The following PLEKHA5 variants were observed in gnomAD, a reference collection of about 807,000 sequenced individuals.
PLEKHA5 encodes pleckstrin homology domain containing A5, also known as pleckstrin homology domain-containing family A member 5.
Under a neutral mutation model 181.9 loss-of-function variants are expected in PLEKHA5, and 55 were observed. The ratio of observed to expected loss-of-function variants is 0.30; its 90% CI spans 0.24 to 0.38. The LOEUF is 0.38. Ranked by LOEUF, PLEKHA5 falls within the 10% of genes least tolerant of loss-of-function variation. The pLI is 1.00. For missense variants in PLEKHA5, 1,432 were observed against 1,549.5 expected (o/e 0.92, Z 1.27); for synonymous variants, 535 against 529.4 (o/e 1.01, Z -0.15).
chr12:19,177,392 A>G (rs575530724), intron 3 of PLEKHA5, among the ~76,000 whole-genome samples: 2 of 152,312 alleles, frequency 1.3e-5, no homozygotes, highest in African/African-American at 4.8e-5. Flanking sequence ...GATTTCATGT[A>G]TTATCTGTAA....
rs2072186896 is a variant in PLEKHA5, at chr12:19,270,175, T to G, written c.828-13T>G. ...ATCCTAACATTCAAACTGAATGTTC[T>G]TTCTTCTTACAGAATTACCTTTAAT... On this transcript the variant is annotated splice_polypyrimidine_tract_variant and intron_variant, in intron 9 of 31. Coordinates refer to ENST00000429027, the MANE Select transcript of PLEKHA5 (RefSeq NM_001256470.2). The G allele has an allele frequency of 2.8e-6, 4 of 1,440,166 alleles. No homozygotes were observed. Among genetic ancestry groups the G allele is most frequent in the South Asian group, 2.7e-5 (2 of 73,452 alleles). 89.2% of individuals were successfully genotyped at this position (1,440,166 alleles called of 1,614,324 possible). A position where few individuals can be genotyped will look rare whatever the true frequency, so the allele number is the denominator to read the frequency against.
intron 3 of PLEKHA5, among the ~76,000 whole-genome samples, chr12:19,234,346 T>C (rs2152406799): frequency 6.6e-6 from 1 of 152,278 alleles, no homozygotes; most frequent in East Asian, 1.9e-4. Flanking sequence ...CTTCAGGCTG[T>C]TAGGGCCTTG....
At chr12:19,230,637 G>A (rs532247554) in intron 3 of PLEKHA5, among the ~76,000 whole-genome samples, 8 of 152,300 alleles carry the variant, frequency 5.3e-5, no homozygotes, top group East Asian at 1.9e-4. Context: ...CAGCAATGCC[G>A]GCCGGCCACT....
intron 3 of PLEKHA5, among the ~76,000 whole-genome samples, chr12:19,183,312 A>C (rs913500716): frequency 2.6e-5 from 4 of 152,196 alleles, no homozygotes; most frequent in Admixed American, 6.5e-5. Context: ...TAGTGAAGCC[A>C]GCAAACCTTA....
At chr12:19,273,309 C>T (rs896123158) in intron 10 of PLEKHA5, among the ~76,000 whole-genome samples, 1 of 152,110 alleles carries the variant, frequency 6.6e-6, no homozygotes, top group African/African-American at 2.4e-5. Context: ...TTATATTTAA[C>T]CTAAATATAT....
intron 2 of PLEKHA5, among the ~76,000 whole-genome samples, chr12:19,131,169 A>C (rs976760785): frequency 2.0e-5 from 3 of 152,180 alleles, no homozygotes; most frequent in African/African-American, 7.2e-5. Flanking sequence ...GTTTGGGTCG[A>C]AGGCGAGGCC....
At chr12:19,371,731 T>A (rs1592674039) in intron 31 of PLEKHA5, 1 of 152,314 alleles carries the variant, frequency 6.6e-6, no homozygotes, top group African/African-American at 2.4e-5. Context: ...CTTAGGTTGG[T>A]TCCATACCCT....
At chr12:19,361,304 T>G (rs2095232971) in intron 28 of PLEKHA5, among the ~76,000 whole-genome samples, 1 of 152,130 alleles carries the variant, frequency 6.6e-6, no homozygotes, top group South Asian at 2.1e-4. Flanking sequence ...TGCCTCAGCC[T>G]CCCGAGTAGC....
intron 21 of PLEKHA5, among the ~76,000 whole-genome samples, chr12:19,342,327 T>A (rs1197049791): frequency 3.3e-5 from 5 of 152,094 alleles, no homozygotes; most frequent in African/African-American, 1.2e-4. Context: ...TTTCAGTTAG[T>A]GTATTTAACC....
chr12:19,226,930 T>A (rs962661243), intron 3 of PLEKHA5, among the ~76,000 whole-genome samples: 1 of 143,432 alleles, frequency 7.0e-6, no homozygotes, highest in Non-Finnish European at 1.6e-5. Context: ...TTGGAGAATC[T>A]TTCTGGATAG....
At chr12:19,372,931 G>T (rs930845214) in intron 31 of PLEKHA5, 1 of 151,968 alleles carries the variant, frequency 6.6e-6, no homozygotes. Context: ...AAGCCTGGCT[G>T]ATTTTTTTGT....
intron 24 of PLEKHA5, 39 bp downstream of exon 24, chr12:19,347,221 A>G (rs760437810): frequency 8.9e-7 from 1 of 1,125,762 alleles, no homozygotes; most frequent in Admixed American, 2.9e-5. Context: ...TCAATCCTAC[A>G]TGTCCTCTCA....
intron 3 of PLEKHA5, among the ~76,000 whole-genome samples, chr12:19,246,614 C>CAA (rs71440397): frequency 0.086 from 8,265 of 96,554 alleles, 306 homozygotes; most frequent in South Asian, 0.15. Context: ...AGAGCAAGAC[C>CAA]AAAAAAAAAA....
At chr12:19,374,246 T>C (rs1180976174) in intron 31 of PLEKHA5, among the ~76,000 whole-genome samples, 1 of 152,134 alleles carries the variant, frequency 6.6e-6, no homozygotes, top group Non-Finnish European at 1.5e-5. Context: ...TACTTTTTTT[T>C]TTTTTTTGCA....
At chr12:19,265,634 C>A in intron 7 of PLEKHA5, 116 bp from the exon 8 acceptor site, 2 of 627,246 alleles carry the variant, frequency 3.2e-6, no homozygotes, top group South Asian at 2.1e-5. Flanking sequence ...CCTGCCTGAA[C>A]ATGAATATAG....
intron 3 of PLEKHA5, among the ~76,000 whole-genome samples, chr12:19,235,711 C>A (rs953906093): frequency 1.3e-5 from 2 of 152,102 alleles, no homozygotes; most frequent in African/African-American, 4.8e-5. Flanking sequence ...GTGCTTTTGA[C>A]CTTTAAGCTG....
intron 3 of PLEKHA5, among the ~76,000 whole-genome samples, chr12:19,231,594 G>T (rs2060590382): frequency 9.2e-5 from 8 of 86,726 alleles, no homozygotes; most frequent in Non-Finnish European, 1.4e-4. Context: ...ATTTATATAT[G>T]TACACATATA....
At chr12:19,340,492 C>A (rs1425798308) in intron 21 of PLEKHA5, among the ~76,000 whole-genome samples, 1 of 109,010 alleles carries the variant, frequency 9.2e-6, no homozygotes, top group African/African-American at 3.2e-5. Context: ...ATGACAATGG[C>A]GGTTTTGTGG....
chr12:19,288,093 A>AG (rs1005026134), intron 13 of PLEKHA5: 5 of 334,518 alleles, frequency 1.5e-5, no homozygotes, highest in Non-Finnish European at 2.9e-5. Context: ...AAAAAAAAAA[A>AG]AAAAGAAACT....
Sources: allele counts gnomAD v4.1 joint callset (sites outside exome capture counted in the v4.1 genomes callset), GRCh38; gene constraint gnomAD v4.1.1; transcripts MANE v1.5; gene names NCBI Gene and HGNC (gene_info 2026-07-23, HGNC 2026-07-21).